C12orf56: variants seen among roughly 807,000 people sequenced by gnomAD.
C12orf56 encodes the protein chromosome 12 open reading frame 56.
In C12orf56, 71 loss-of-function variants were observed where a neutral mutation model predicts 69.9. That is an observed-to-expected ratio of 1.02 (90% CI 0.84 to 1.24). The LOEUF (loss-of-function observed/expected upper bound fraction) is 1.24, where lower values mean the gene tolerates loss of function less well. Ranked by LOEUF, C12orf56 falls within the 50% of genes most tolerant of loss-of-function variation. C12orf56 has a pLI of 0.00. For synonymous variants in C12orf56, 276 were observed against 274.1 expected, an observed-to-expected ratio of 1.01 and a Z score of -0.07; for missense variants, 732 against 738.5, an observed-to-expected ratio of 0.99 and a Z score of 0.10.
rs2039859004 is a variant in C12orf56 at position 64,390,700 on chromosome 12, G to T, written c.-135C>A. 5.6e-6 allele frequency: 7 copies of T among 1,255,964 alleles called. No individual in the cohort carries two copies. The highest frequency in any genetic ancestry group is 7.2e-6 in the Non-Finnish European group (7 of 969,058). 77.8% of individuals were successfully genotyped at this position (1,255,964 alleles called of 1,614,324 possible). A position where few individuals can be genotyped will look rare whatever the true frequency, so the allele number is the denominator to read the frequency against. On this transcript the variant is annotated 5_prime_UTR_variant, in exon 1 of 13. Coordinates refer to ENST00000543942, the MANE Select transcript of C12orf56 (RefSeq NM_001170633.2). ...CCTCCTCTCCAGGCGCGGGGACCCG[G>T]GCCGCAACTGCAGGAATCGACGCTA...
Position 64,382,403 on chromosome 12 carries a change from G to A in C12orf56, c.252+7911C>T, listed in dbSNP as rs75915141. Among the ~76,000 whole-genome samples the A allele has an allele frequency of 5.5e-4, 84 of 152,038 alleles. 1 individual carries two copies. The East Asian group carries it at 0.014, about 24-fold the overall frequency. ...AGGTGACCTAATTTGAAAAAGGGACGATATCAATCTTACAGATTCATAGTG... is the reference window on the plus strand; with the variant it reads ...AGGTGACCTAATTTGAAAAAGGGACAATATCAATCTTACAGATTCATAGTG... On this transcript the variant is annotated intron_variant, in intron 1 of 12. Transcript: ENST00000543942.
intron 1 of C12orf56, 53 bp downstream of exon 1, chr12:64,390,261 G>A (rs2135995587): frequency 2.6e-6 from 4 of 1,534,034 alleles, no homozygotes; most frequent in Admixed American, 3.9e-5. Flanking sequence ...GGGGGCCCCA[G>A]CCGGGAGTTC....
At chr12:64,285,314 T>G (rs1280991403) in intron 7 of C12orf56, among the ~76,000 whole-genome samples, 2 of 152,228 alleles carry the variant, frequency 1.3e-5, no homozygotes, top group African/African-American at 4.8e-5. Context: ...ATTGTTTAAA[T>G]TTTTAATATT....
intron 1 of C12orf56, among the ~76,000 whole-genome samples, chr12:64,365,638 G>A (rs2039456580): frequency 6.7e-6 from 1 of 148,812 alleles, no homozygotes; most frequent in South Asian, 2.1e-4. Flanking sequence ...GGTGGCTCAT[G>A]CCTGTAATAT....
At chr12:64,307,349 G>T in intron 5 of C12orf56, among the ~76,000 whole-genome samples, 1 of 146,744 alleles carries the variant, frequency 6.8e-6, no homozygotes, top group African/African-American at 2.5e-5. Flanking sequence ...ACATTCTTTG[G>T]TATTGCTGAT....
At chr12:64,348,656 T>C (rs931155718) in intron 2 of C12orf56, among the ~76,000 whole-genome samples, 4 of 152,178 alleles carry the variant, frequency 2.6e-5, no homozygotes, top group Admixed American at 6.5e-5. Flanking sequence ...ATGGGTATGT[T>C]TAATCTTCCT....
chr12:64,314,244 C>A (rs1401891673), intron 4 of C12orf56, among the ~76,000 whole-genome samples: 2 of 151,864 alleles, frequency 1.3e-5, no homozygotes, highest in Non-Finnish European at 2.9e-5. Context: ...TTCTACCTTG[C>A]CAGGCCAATT....
At chr12:64,359,297 A>T (rs2039364642) in intron 1 of C12orf56, among the ~76,000 whole-genome samples, 1 of 152,172 alleles carries the variant, frequency 6.6e-6, no homozygotes, top group Admixed American at 6.5e-5. Context: ...AAGCATAAAA[A>T]CATTCAGGTT....
intron 1 of C12orf56, among the ~76,000 whole-genome samples, chr12:64,370,204 G>T (rs992264188): frequency 2.0e-5 from 3 of 151,180 alleles, no homozygotes; most frequent in Non-Finnish European, 2.9e-5. Flanking sequence ...AATTAGTCAG[G>T]TGTGGTGGCG....
chr12:64,346,258 G>C (rs1323233642), intron 2 of C12orf56, among the ~76,000 whole-genome samples: 5 of 152,134 alleles, frequency 3.3e-5, no homozygotes, highest in Non-Finnish European at 7.3e-5. Context: ...ACGTTCGAGG[G>C]CAGGAAGCAT....
At chr12:64,276,871 G>A (rs10748006) in intron 9 of C12orf56, among the ~76,000 whole-genome samples, 112,518 of 150,024 alleles carry the variant, frequency 0.75, 42,545 homozygotes, top group Non-Finnish European at 0.79. Context: ...GCTCATGCCT[G>A]TAGTCCTAGC....
intron 3 of C12orf56, 31 bp from the exon 4 acceptor site, chr12:64,319,011 C>T: frequency 7.0e-7 from 1 of 1,429,962 alleles, no homozygotes; most frequent in Non-Finnish European, 9.1e-7. Context: ...TTAAACATGA[C>T]ATGCAAAATT....
At chr12:64,360,518 T>C (rs1457094303) in intron 1 of C12orf56, among the ~76,000 whole-genome samples, 2 of 151,936 alleles carry the variant, frequency 1.3e-5, no homozygotes, top group African/African-American at 4.8e-5. Context: ...AGATAGATGA[T>C]AGATAGATGA....
At chr12:64,321,685 T>G (rs1565755406) in intron 3 of C12orf56, among the ~76,000 whole-genome samples, 1 of 152,246 alleles carries the variant, frequency 6.6e-6, no homozygotes, top group East Asian at 1.9e-4. Context: ...TTTTTTAAAC[T>G]CTCTTATTTC....
chr12:64,376,592 CTCTCCCT>C (rs1420590368), intron 1 of C12orf56, among the ~76,000 whole-genome samples: 2 of 151,822 alleles, frequency 1.3e-5, no homozygotes, highest in African/African-American at 2.4e-5. Flanking sequence ...CTTCCTGATC[CTCTCCCT>C]TCTCCCTTCT....
intron 1 of C12orf56, among the ~76,000 whole-genome samples, chr12:64,386,163 A>G (rs1290098329): frequency 6.6e-6 from 1 of 152,024 alleles, no homozygotes. Flanking sequence ...ATGCTGCATC[A>G]GTTGGCCACC....
At chr12:64,356,589 G>A (rs541887133) in intron 1 of C12orf56, among the ~76,000 whole-genome samples, 1 of 152,208 alleles carries the variant, frequency 6.6e-6, no homozygotes, top group Non-Finnish European at 1.5e-5. Flanking sequence ...GTGGTGGGGT[G>A]AGTAGTTTGG....
At chr12:64,295,909 A>G (rs1209842555) in intron 6 of C12orf56, among the ~76,000 whole-genome samples, 2 of 152,012 alleles carry the variant, frequency 1.3e-5, no homozygotes, top group Non-Finnish European at 2.9e-5. Flanking sequence ...TTTCCATCCT[A>G]TTACAGGAAC....
intron 1 of C12orf56, among the ~76,000 whole-genome samples, chr12:64,383,466 T>TC (rs1325596496): frequency 6.6e-6 from 1 of 151,880 alleles, no homozygotes; most frequent in Non-Finnish European, 1.5e-5. Flanking sequence ...AACCTCCACC[T>TC]CCCGGGTTCA....
Sources: allele counts gnomAD v4.1 joint callset (sites outside exome capture counted in the v4.1 genomes callset), GRCh38; gene constraint gnomAD v4.1.1; transcripts MANE v1.5; gene names NCBI Gene and HGNC (gene_info 2026-07-23, HGNC 2026-07-21).